LOC122394732: variants seen among roughly 807,000 people sequenced by gnomAD.
At chr9:87,956,618 G>A in the LOC122394732 span, 1 of 397,212 alleles carries the variant, frequency 2.5e-6, no homozygotes, top group Non-Finnish European at 4.4e-6. Context: ...AGTGGCTACT[G>A]GGACAAGCCA....
At chr9:87,956,302 AG>A in the LOC122394732 span, 3 of 398,524 alleles carry the variant, frequency 7.5e-6, no homozygotes, top group African/African-American at 6.2e-5. Flanking sequence ...CCTTCAAAGC[AG>A]GAGATTCCCT....
chr9:87,956,658 G>C, the LOC122394732 span: 2 of 394,364 alleles, frequency 5.1e-6, no homozygotes, highest in Non-Finnish European at 8.9e-6. Flanking sequence ...AGATAATTGA[G>C]GACACAAATG....
chr9:87,956,877 G>A, the LOC122394732 span: 1 of 158,890 alleles, frequency 6.3e-6, no homozygotes, highest in Non-Finnish European at 1.4e-5. Flanking sequence ...TATTATATTT[G>A]CCTTAATCCT....
At chr9:87,956,781 C>T in the LOC122394732 span, 326 of 258,512 alleles carry the variant, frequency 1.3e-3, 6 homozygotes, top group Middle Eastern at 1.1e-3. Flanking sequence ...ATGCAGTGCA[C>T]GTGTTATTTT....
chr9:87,956,840 T>C, the LOC122394732 span: 1 of 183,556 alleles, frequency 5.4e-6, no homozygotes, highest in Non-Finnish European at 1.1e-5. Flanking sequence ...ATTTTAGAGA[T>C]CTTTCAGATA....
At chr9:87,956,869 T>C in the LOC122394732 span, 1 of 162,114 alleles carries the variant, frequency 6.2e-6, no homozygotes, top group Non-Finnish European at 1.3e-5. Flanking sequence ...GAAATACATA[T>C]TATATTTGCC....
the LOC122394732 span, chr9:87,956,547 T>A: frequency 7.5e-6 from 3 of 398,240 alleles, no homozygotes; most frequent in African/African-American, 2.1e-5. Flanking sequence ...AAACATCCAA[T>A]ACAGACAGAA....
the LOC122394732 span, chr9:87,956,264 G>T: frequency 2.5e-6 from 1 of 398,582 alleles, no homozygotes; most frequent in Non-Finnish European, 4.4e-6. Context: ...GAACACAGGT[G>T]GCATGGGCTT....
At chr9:87,956,299 A>G in the LOC122394732 span, 2 of 398,662 alleles carry the variant, frequency 5.0e-6, no homozygotes, top group East Asian at 3.6e-5. Flanking sequence ...GCGCCTTCAA[A>G]GCAGGAGATT....
At chr9:87,956,833 T>C in the LOC122394732 span, 1 of 187,434 alleles carries the variant, frequency 5.3e-6, no homozygotes, top group African/African-American at 2.3e-5. Context: ...CTGAGCTATT[T>C]TAGAGATCTT....
At chr9:87,956,688 A>G in the LOC122394732 span, 1,735 of 386,376 alleles carry the variant, frequency 4.5e-3, 7 homozygotes, top group Non-Finnish European at 5.9e-3. Context: ...TAAAATAATA[A>G]ACAAAACCTC....
chr9:87,956,568 T>G, the LOC122394732 span: 1 of 398,100 alleles, frequency 2.5e-6, no homozygotes, highest in Middle Eastern at 6.2e-4. Flanking sequence ...CACACCTGGG[T>G]CTCCTTCTGT....
At chr9:87,956,462 A>C in the LOC122394732 span, 9 of 398,516 alleles carry the variant, frequency 2.3e-5, no homozygotes, top group Non-Finnish European at 4.0e-5. Flanking sequence ...AAAGCTTCAC[A>C]AGACAACTGG....
chr9:87,956,293 C>T, the LOC122394732 span: 1 of 398,596 alleles, frequency 2.5e-6, no homozygotes, highest in African/African-American at 2.1e-5. Context: ...ATAAGAGCGC[C>T]TTCAAAGCAG....
chr9:87,956,731 T>C, the LOC122394732 span: 2 of 342,398 alleles, frequency 5.8e-6, no homozygotes, highest in East Asian at 4.3e-5. Flanking sequence ...CTGATTTTTT[T>C]CCCAGCTGAT....
At chr9:87,956,300 G>A in the LOC122394732 span, 1 of 398,600 alleles carries the variant, frequency 2.5e-6, no homozygotes, top group Non-Finnish European at 4.4e-6. Context: ...CGCCTTCAAA[G>A]CAGGAGATTC....
chr9:87,956,782 G>C, the LOC122394732 span: 1 of 258,858 alleles, frequency 3.9e-6, no homozygotes, highest in Non-Finnish European at 7.2e-6. Flanking sequence ...TGCAGTGCAC[G>C]TGTTATTTTC....
At chr9:87,956,400 T>G in the LOC122394732 span, 3 of 398,568 alleles carry the variant, frequency 7.5e-6, no homozygotes, top group Non-Finnish European at 1.3e-5. Context: ...GCTTTAGACA[T>G]CCAGATCAGG....
the LOC122394732 span, chr9:87,956,681 A>G: frequency 2.6e-6 from 1 of 390,066 alleles, no homozygotes; most frequent in Non-Finnish European, 4.5e-6. Context: ...CTGCCTCTAA[A>G]ATAATAAACA....
Sources: allele counts gnomAD v4.1 joint callset, GRCh38; gene constraint gnomAD v4.1.1; transcripts MANE v1.5.